Variants in USP47 observed in about 807,000 individuals in gnomAD.
USP47 encodes the protein ubiquitin specific peptidase 47.
USP47 carries 35 observed loss-of-function variants against 165.1 expected under a neutral mutation model. That is an observed-to-expected ratio of 0.21 (90% CI 0.16 to 0.28). The LOEUF (loss-of-function observed/expected upper bound fraction) is 0.28. USP47 is among the 10% of genes least tolerant of loss of function. The pLI is 1.00. For missense variants in USP47, 1,277 were observed against 1,607.4 expected (o/e 0.79, Z 3.52); for synonymous variants, 531 against 544.5 (o/e 0.98, Z 0.35).
chr11:11,848,719 C>T (rs1374450675), intron 1 of USP47, among the ~76,000 whole-genome samples: 5 of 151,490 alleles, frequency 3.3e-5, no homozygotes, highest in Admixed American at 1.3e-4. Context: ...AAGCGATTCT[C>T]CTGCCTCAGC....
chr11:11,951,219 A>C (rs1425530720), intron 24 of USP47: 1 of 152,078 alleles, frequency 6.6e-6, no homozygotes, highest in Non-Finnish European at 1.5e-5. Flanking sequence ...GTCTGTCTGT[A>C]TTGTTTTCCC....
At chr11:11,881,007 G>A (rs983669411) in intron 2 of USP47, among the ~76,000 whole-genome samples, 2 of 151,948 alleles carry the variant, frequency 1.3e-5, no homozygotes, top group Non-Finnish European at 2.9e-5. Context: ...AATTTTAGTC[G>A]TCTGTTAACT....
At chr11:11,877,928 G>A (rs2134289783) in intron 1 of USP47, among the ~76,000 whole-genome samples, 1 of 150,942 alleles carries the variant, frequency 6.6e-6, no homozygotes, top group South Asian at 2.1e-4. Flanking sequence ...GGGTTATAGA[G>A]TTACAGATTA....
At chr11:11,848,855 T>C (rs1038864192) in intron 1 of USP47, among the ~76,000 whole-genome samples, 11 of 152,246 alleles carry the variant, frequency 7.2e-5, no homozygotes, top group Non-Finnish European at 1.2e-4. Flanking sequence ...GTGATACGCC[T>C]GCCTCGGCCT....
At position 11,886,421 on chromosome 11, in the gene USP47, T is replaced by C. The variant is rs565453156; in HGVS notation, c.357+1841T>C. Among the ~76,000 whole-genome samples, 15 of 152,108 alleles carry C rather than the reference T, an allele frequency of 9.9e-5. 1 individual carries two copies. The South Asian group carries it at 2.9e-3, about 30-fold the overall frequency. On this transcript the variant is annotated intron_variant, in intron 3 of 27. Transcript: ENST00000527733. ...TTACTGACCTGATAGAGCTGAAAAA[T>C]ACACTACAAGAACTTTACAGTGCAA...
At chr11:11,890,877 G>A (rs1448328093) in intron 3 of USP47, among the ~76,000 whole-genome samples, 1 of 152,132 alleles carries the variant, frequency 6.6e-6, no homozygotes, top group Non-Finnish European at 1.5e-5. Flanking sequence ...GGATGGAGCT[G>A]GAAGTCATTA....
chr11:11,929,066 T>G (rs939573876), intron 11 of USP47, among the ~76,000 whole-genome samples: 2 of 151,360 alleles, frequency 1.3e-5, no homozygotes, highest in Non-Finnish European at 2.9e-5. Flanking sequence ...AGAAACAGTA[T>G]GTTACTTCGG....
intron 18 of USP47, 45 bp from the exon 19 acceptor site, chr11:11,940,384 A>T (rs1855382499): frequency 6.5e-7 from 1 of 1,547,078 alleles, no homozygotes; most frequent in Non-Finnish European, 8.8e-7. Context: ...GTCAAGCAGA[A>T]TTATTTTTGA....
intron 1 of USP47, among the ~76,000 whole-genome samples, chr11:11,867,414 C>T (rs777216438): frequency 2.0e-5 from 3 of 152,110 alleles, no homozygotes; most frequent in Non-Finnish European, 2.9e-5. Flanking sequence ...TTTTACATCT[C>T]TATGTCACTA....
chr11:11,946,596 A>G (rs1467527969), intron 20 of USP47, among the ~76,000 whole-genome samples: 8 of 152,208 alleles, frequency 5.3e-5, no homozygotes, highest in African/African-American at 1.9e-4. Flanking sequence ...AAATCTAGCC[A>G]TAGGCTTTCC....
At chr11:11,924,966 T>A (rs1330745501) in intron 11 of USP47, among the ~76,000 whole-genome samples, 1 of 152,178 alleles carries the variant, frequency 6.6e-6, no homozygotes, top group Non-Finnish European at 1.5e-5. Context: ...TCAATATTGA[T>A]AAGGATTGCA....
intron 11 of USP47, among the ~76,000 whole-genome samples, chr11:11,924,733 G>A (rs1017047612): frequency 1.3e-5 from 2 of 151,964 alleles, no homozygotes; most frequent in African/African-American, 4.8e-5. Context: ...ATCAAACTTG[G>A]GGGCATAGAG....
In USP47 at chr11:11,933,104, C is replaced by T. The variant is rs1854792491; in HGVS notation, c.1752C>T (p.Arg584=). Residue 584 remains arginine, a synonymous_variant, in exon 15 of 28, where the codon CGC becomes CGT. Transcript: ENST00000527733. ...AAAAGAGACAACGAGAAATTGAGCG[C>T]AATACATGCAAGGTTGAATTCCATC... is the stretch of plus-strand genomic sequence containing the variant. ...EQEKRQREIE[R]NTCKIKLFCL... 2 of 1,612,376 alleles carry T rather than the reference C, an allele frequency of 1.2e-6. No homozygotes were observed. The highest frequency in any genetic ancestry group is 1.7e-6 in the Non-Finnish European group (2 of 1,179,194).
chr11:11,947,719 A>C (rs1228032742), intron 20 of USP47, among the ~76,000 whole-genome samples: 2 of 152,188 alleles, frequency 1.3e-5, no homozygotes, highest in Non-Finnish European at 2.9e-5. Context: ...ACAAAGAAAC[A>C]AGCACTTAAA....
intron 2 of USP47, 94 bp from the exon 3 acceptor site, chr11:11,884,373 A>G: frequency 1.1e-6 from 1 of 903,702 alleles, no homozygotes; most frequent in Non-Finnish European, 1.6e-6. Context: ...GATCATTACT[A>G]AAAAAATACT....
intron 7 of USP47, among the ~76,000 whole-genome samples, chr11:11,904,502 G>C (rs1352794251): frequency 1.3e-5 from 2 of 152,080 alleles, no homozygotes; most frequent in Non-Finnish European, 2.9e-5. Flanking sequence ...AGTCTTATGG[G>C]GCTGTGTTTT....
chr11:11,865,341 T>C (rs987540500), intron 1 of USP47, among the ~76,000 whole-genome samples: 2 of 152,312 alleles, frequency 1.3e-5, no homozygotes. Context: ...ATCATTGTTT[T>C]AGGGTCTGTT....
At chr11:11,945,893 C>G (rs558740342) in intron 20 of USP47, among the ~76,000 whole-genome samples, 3 of 151,406 alleles carry the variant, frequency 2.0e-5, no homozygotes, top group Non-Finnish European at 4.4e-5. Flanking sequence ...TATGATCGTA[C>G]CACTGCACTC....
In USP47 at chr11:11,942,644, G is replaced by A. The variant is rs1231562365; in HGVS notation, c.2623G>A (p.Asp875Asn). ...GCAACAGCAGGATGGAGATAATGGGGACAGCAGCAAAAGTACTGAGACAAG... is the reference window on the plus strand; with the variant it reads ...GCAACAGCAGGATGGAGATAATGGGAACAGCAGCAAAAGTACTGAGACAAG... ...LQQQQDGDNG[D>N]SSKSTETSDF... The change falls in exon 20 of 28, where the codon GAC becomes AAC. Residue 875 changes from aspartate (D) to asparagine (N), a missense_variant. By Grantham distance (23) the Asp-to-Asn change is conservative. Coordinates refer to ENST00000527733, the MANE Select transcript of USP47 (RefSeq NM_001282659.2). 6 of 1,613,460 alleles carry A rather than the reference G, an allele frequency of 3.7e-6. No homozygotes were observed. The highest frequency in any genetic ancestry group is 4.2e-6 in the Non-Finnish European group (5 of 1,179,768).
Sources: gnomAD v4.1 joint callset for allele counts (sites outside exome capture counted in the v4.1 genomes callset) on GRCh38, gnomAD v4.1.1 for gene constraint, MANE v1.5 for transcripts, NCBI Gene and HGNC (gene_info 2026-07-23, HGNC 2026-07-21) for gene names.